VAMP8: variants seen among roughly 807,000 people sequenced by gnomAD.
VAMP8 encodes vesicle associated membrane protein 8.
In VAMP8, 9 loss-of-function variants were observed where a neutral mutation model predicts 11.4. That is an observed-to-expected ratio of 0.79 (90% CI 0.48 to 1.38). The LOEUF (loss-of-function observed/expected upper bound fraction) is 1.38, where lower values mean the gene tolerates loss of function less well. Among genes scored for constraint, VAMP8 ranks in the 40% most tolerant of loss-of-function variants. VAMP8 has a pLI of 0.00. For missense variants in VAMP8, 108 were observed against 127.8 expected, an observed-to-expected ratio of 0.85 and a Z score of 0.75; for synonymous variants, 42 against 44.7, an observed-to-expected ratio of 0.94 and a Z score of 0.24.
rs368631664 is a variant in VAMP8, at chr2:85,579,115, G to C, written c.110G>C (p.Arg37Pro). 12 of 1,606,964 alleles carry C rather than the reference G, an allele frequency of 7.5e-6. No homozygotes were observed. Among genetic ancestry groups the C allele is most frequent in the South Asian group, 1.1e-5 (1 of 89,924 alleles). Residue 37 changes from arginine (R) to proline (P), a missense_variant, in exon 2 of 3, where the codon CGG becomes CCG. Coordinates refer to ENST00000263864, the MANE Select transcript of VAMP8 (RefSeq NM_003761.5). ...MTQNVERILA[R>P]GENLEHLRNK... ...CAGAATGTGGAGCGGATCCTGGCCC[G>C]GGGGGAAAACTTGGAACATCTCCGC...
Position 85,581,701 on chromosome 2 carries a change from TG to T in VAMP8, c.290del (p.Gly97ValfsTer6). The T allele has an allele frequency of 6.2e-7, 1 of 1,614,216 alleles. No individual in the cohort carries two copies. The highest frequency in any genetic ancestry group is 8.5e-7 in the Non-Finnish European group (1 of 1,180,024). On this transcript the variant is annotated frameshift_variant, in exon 3 of 3. Coordinates refer to ENST00000263864, the MANE Select transcript of VAMP8 (RefSeq NM_003761.5). LOFTEE classifies it high-confidence loss of function. Reference protein sequence around the residue: ...IILFIVLFATGAFS With the variant: ...IILFIVLFATXAFS ...TCCTCTTCATTGTGCTCTTTGCCAC[TG>T]GTGCCTTCTCTTAAGTAACAGGGAA...
In VAMP8 at chr2:85,579,035, T is replaced by C; in HGVS notation, c.30T>C (p.Asn10=). The part of the protein sequence containing the change: MEEASEGGG[N]DRVRNLQSEV... ...AGGAAGCCAGTGAAGGTGGAGGAAA[T>C]GATCGTGTGCGGAACCTGCAAAGTG... Residue 10 remains asparagine, a synonymous_variant, in exon 2 of 3, where the codon AAT becomes AAC. Transcript: ENST00000263864. 1.9e-6 allele frequency: 3 copies of C among 1,607,028 alleles called. No individual in the cohort carries two copies. Among genetic ancestry groups the C allele is most frequent in the Non-Finnish European group, 2.6e-6 (3 of 1,176,260 alleles).
chr2:85,581,482 A>G, intron 2 of VAMP8, 94 bp from the exon 3 acceptor site: 1 of 1,508,874 alleles, frequency 6.6e-7, no homozygotes, highest in South Asian at 1.3e-5. Context: ...AAAAAAAAAA[A>G]AAAAGTATGG....
chr2:85,579,606 G>C (rs1360642770), intron 2 of VAMP8: 8 of 1,386,380 alleles, frequency 5.8e-6, no homozygotes, highest in Non-Finnish European at 7.6e-6. Flanking sequence ...GAAATTGCTG[G>C]CGTCTTGCTG....
intron 2 of VAMP8, among the ~76,000 whole-genome samples, chr2:85,579,548 C>A (rs988047967): frequency 6.6e-6 from 1 of 152,340 alleles, no homozygotes; most frequent in African/African-American, 2.4e-5. Context: ...TGAGGAAACC[C>A]CCGCTGTGGC....
At position 85,581,859 on chromosome 2, in the gene VAMP8, T is replaced by G. The variant is rs1010; in HGVS notation, c.*143T>G. On this transcript the variant is annotated 3_prime_UTR_variant, in exon 3 of 3. Coordinates refer to ENST00000263864, the MANE Select transcript of VAMP8 (RefSeq NM_003761.5). Reference sequence around the variant, plus strand: ...CCCTCTTCCCGAGGCCCTGCTGCCATGTTGTATGCCCCAGAAGGTACCTTG... The same window carrying G: ...CCCTCTTCCCGAGGCCCTGCTGCCAGGTTGTATGCCCCAGAAGGTACCTTG... 3.9e-4 allele frequency: 449 copies of G among 1,138,122 alleles called. 3 individuals carry two copies. In the East Asian group the frequency reaches 5.9e-3, roughly 15 times the overall value. The allele number at this position is 1,138,122 out of a possible 1,614,324, so 70.5% of individuals were successfully genotyped here.
In VAMP8 at chr2:85,581,889, C is replaced by T; in HGVS notation, c.*173C>T. On this transcript the variant is annotated 3_prime_UTR_variant, in exon 3 of 3. Coordinates refer to ENST00000263864, the MANE Select transcript of VAMP8 (RefSeq NM_003761.5). ...TATGCCCCAGAAGGTACCTTGGTCC[C>T]CCGGAAGGAGAGAAAAAAGAGAGAT... The T allele has an allele frequency of 1.2e-6, 1 of 859,218 alleles. No homozygotes were observed. The highest frequency in any genetic ancestry group is 1.8e-6 in the Non-Finnish European group (1 of 560,112). The allele number at this position is 859,218 out of a possible 1,614,324, so 53.2% of individuals were successfully genotyped here.
chr2:85,581,477 A>G (rs1672377580), intron 2 of VAMP8, 99 bp from the exon 3 acceptor site: 1 of 1,495,344 alleles, frequency 6.7e-7, no homozygotes, highest in African/African-American at 1.4e-5. Flanking sequence ...ATCTCAAAAA[A>G]AAAAAAAAAG....
At chr2:85,577,712 G>C in intron 1 of VAMP8, 63 bp downstream of exon 1, 1 of 1,551,014 alleles carries the variant, frequency 6.4e-7, no homozygotes. Flanking sequence ...GCTTGGGACT[G>C]GGGGTTGGCT....
At chr2:85,579,874 G>A in intron 2 of VAMP8, 2 of 1,550,394 alleles carry the variant, frequency 1.3e-6, no homozygotes, top group Non-Finnish European at 1.7e-6. Flanking sequence ...TTGGCTCTTG[G>A]GTATTGCTCC....
chr2:85,579,291 G>A (rs1672330781), intron 2 of VAMP8, 124 bp downstream of exon 2: 3 of 1,041,780 alleles, frequency 2.9e-6, no homozygotes, highest in Non-Finnish European at 4.1e-6. Flanking sequence ...CCTGGTTTGG[G>A]AGCTGATGTG....
intron 1 of VAMP8, among the ~76,000 whole-genome samples, chr2:85,578,670 G>A (rs74956482): frequency 0.015 from 2,226 of 152,202 alleles, 56 homozygotes; most frequent in African/African-American, 0.051. Flanking sequence ...AGGGAACATT[G>A]TGAGATGCTG....
chr2:85,579,793 A>C lies in VAMP8; in HGVS notation c.162+626A>C, dbSNP rs528532995. The C allele has an allele frequency of 3.2e-6, 5 of 1,550,558 alleles. No individual in the cohort carries two copies. In the African/African-American group the frequency reaches 6.8e-5, roughly 21 times the overall value. On this transcript the variant is annotated intron_variant, in intron 2 of 2. Coordinates refer to ENST00000263864, the MANE Select transcript of VAMP8 (RefSeq NM_003761.5). ...GGAGGAAGTAACTCCAAAGTTGAGCAAAGTCTGGAGCCTCAAGTTCTGTGT... is the reference window on the plus strand; with the variant it reads ...GGAGGAAGTAACTCCAAAGTTGAGCCAAGTCTGGAGCCTCAAGTTCTGTGT...
chr2:85,581,251 G>T (rs536884634), intron 2 of VAMP8, among the ~76,000 whole-genome samples: 1 of 152,098 alleles, frequency 6.6e-6, no homozygotes, highest in East Asian at 1.9e-4. Context: ...AGGCCAAGGC[G>T]AGTGGATCAC....
chr2:85,580,782 T>G (rs1055854246), intron 2 of VAMP8, among the ~76,000 whole-genome samples: 3 of 150,874 alleles, frequency 2.0e-5, no homozygotes, highest in African/African-American at 7.3e-5. Flanking sequence ...TTCTCCTGCC[T>G]TAGCCTCCTA....
chr2:85,579,750 T>C (rs1672338535), intron 2 of VAMP8: 1 of 1,550,782 alleles, frequency 6.4e-7, no homozygotes, highest in South Asian at 1.2e-5. Flanking sequence ...AGCCAGGGGC[T>C]GAGGCCAGCT....
At chr2:85,581,440 A>G in intron 2 of VAMP8, 136 bp from the exon 3 acceptor site, 1 of 1,117,972 alleles carries the variant, frequency 8.9e-7, no homozygotes, top group Non-Finnish European at 1.3e-6. Flanking sequence ...AGATCGAGCC[A>G]CTGCCTGAGT....
chr2:85,580,085 G>T (rs1275592797), intron 2 of VAMP8, among the ~76,000 whole-genome samples: 1 of 152,002 alleles, frequency 6.6e-6, no homozygotes, highest in Non-Finnish European at 1.5e-5. Flanking sequence ...CTGAGTAGCT[G>T]GGATTACAGT....
chr2:85,579,706 C>T (rs1672337603), intron 2 of VAMP8: 2 of 1,547,708 alleles, frequency 1.3e-6, no homozygotes, highest in East Asian at 2.4e-5. Flanking sequence ...ATATCTCCCA[C>T]ACATCTTGCT....
Sources: allele counts gnomAD v4.1 joint callset (sites outside exome capture counted in the v4.1 genomes callset), GRCh38; gene constraint gnomAD v4.1.1; transcripts MANE v1.5; gene names NCBI Gene and HGNC (gene_info 2026-07-23, HGNC 2026-07-21).